TGFBR3: variants seen among roughly 807,000 people sequenced by gnomAD.
TGFBR3 encodes the protein transforming growth factor beta receptor 3.
TGFBR3 carries 46 observed loss-of-function variants against 87.9 expected under a neutral mutation model. The observed-to-expected ratio is 0.52, with a 90% CI of 0.41 to 0.67. TGFBR3 has a LOEUF of 0.67. Among genes scored for constraint, TGFBR3 ranks in the 30% least tolerant of loss-of-function variants. TGFBR3 has a pLI of 0.00. For synonymous variants in TGFBR3, 381 were observed against 391.6 expected, an observed-to-expected ratio of 0.97 and a Z score of 0.32; for missense variants, 866 against 1,041.9, an observed-to-expected ratio of 0.83 and a Z score of 2.32.
At chr1:91,737,579 A>G (rs1673008498) in intron 4 of TGFBR3, among the ~76,000 whole-genome samples, 1 of 152,156 alleles carries the variant, frequency 6.6e-6, no homozygotes, top group African/African-American at 2.4e-5. Flanking sequence ...CCAAGACAGC[A>G]GATTTCTGTT....
At chr1:91,823,466 C>G (rs530174853) in intron 2 of TGFBR3, among the ~76,000 whole-genome samples, 40 of 152,280 alleles carry the variant, frequency 2.6e-4, no homozygotes, top group African/African-American at 8.7e-4. Flanking sequence ...AGGAAACAAC[C>G]TAAACATCCA....
chr1:91,722,581 A>G (rs185491004), intron 7 of TGFBR3, among the ~76,000 whole-genome samples: 4 of 152,258 alleles, frequency 2.6e-5, no homozygotes, highest in Admixed American at 6.5e-5. Context: ...TCCACTTCCT[A>G]TTCCCCTAGA....
intron 2 of TGFBR3, among the ~76,000 whole-genome samples, chr1:91,811,322 T>TTAA (rs978960968): frequency 4.0e-5 from 6 of 151,710 alleles, no homozygotes; most frequent in East Asian, 1.9e-4. Context: ...AAAAAATAAA[T>TTAA]TAATAATAAT....
In TGFBR3 at chr1:91,849,849, G is replaced by A. The variant is rs1387452539; in HGVS notation, c.61+11622C>T. Among the ~76,000 whole-genome samples, 7 of 151,850 alleles carry A rather than the reference G, an allele frequency of 4.6e-5. No individual in the cohort carries two copies. The South Asian group carries it at 6.2e-4, about 14-fold the overall frequency. On this transcript the variant is annotated intron_variant, in intron 2 of 16. Transcript: ENST00000212355. Reference sequence around the variant, plus strand: ...TGTAATCCCAGCACTTTGGGAGGCCGAGGCGGGCCGATCACGAGGTCAGGA... The same window carrying A: ...TGTAATCCCAGCACTTTGGGAGGCCAAGGCGGGCCGATCACGAGGTCAGGA...
chr1:91,803,136 G>A (rs1201638185), intron 2 of TGFBR3, among the ~76,000 whole-genome samples: 1 of 152,066 alleles, frequency 6.6e-6, no homozygotes, highest in Non-Finnish European at 1.5e-5. Context: ...TGACTTACAA[G>A]GCCCTCCAAG....
intron 1 of TGFBR3, among the ~76,000 whole-genome samples, chr1:91,900,973 G>T (rs1286466800): frequency 6.6e-6 from 1 of 152,160 alleles, no homozygotes; most frequent in Non-Finnish European, 1.5e-5. Context: ...TGATCCTTCT[G>T]CCTCAGCCTC....
rs1375388524 is a variant in TGFBR3 at position 91,719,960 on chromosome 1, T to C, written c.1346A>G (p.Asp449Gly). 2.5e-6 allele frequency: 4 copies of C among 1,614,186 alleles called. No individual in the cohort carries two copies. The highest frequency in any genetic ancestry group is 1.7e-6 in the Non-Finnish European group (2 of 1,180,038). Residue 449 changes from aspartate to glycine, a missense_variant, in exon 9 of 17, where the codon GAT becomes GGT. Asp to Gly is a moderately conservative substitution (Grantham distance 94, BLOSUM62 -1). Coordinates refer to ENST00000212355, the MANE Select transcript of TGFBR3 (RefSeq NM_003243.5). ...GTCACATTTGACAGACAGGGCAATA[T>C]CCACGCTCCCTTGCACCTCTTCTGG... ...REPEEVQGSV[D>G]IALSVKCDNE...
intron 2 of TGFBR3, among the ~76,000 whole-genome samples, chr1:91,895,394 G>A (rs1024337208): frequency 6.6e-6 from 1 of 151,982 alleles, no homozygotes; most frequent in African/African-American, 2.4e-5. Context: ...AGGCCTCCCC[G>A]AGAAGTAGAT....
intron 3 of TGFBR3, chr1:91,786,324 A>C: frequency 4.4e-6 from 2 of 451,258 alleles, no homozygotes; most frequent in Non-Finnish European, 8.9e-6. Context: ...ATCAGGGTCT[A>C]AAGCTGAAGA....
chr1:91,695,900 CA>C lies in TGFBR3; in HGVS notation c.2330-122del, dbSNP rs1671422060. The C allele has an allele frequency of 1.1e-5, 9 of 839,054 alleles. No homozygotes were observed. The Admixed American group carries it at 1.6e-4, about 15-fold the overall frequency. 52.0% of individuals were successfully genotyped at this position (839,054 alleles called of 1,614,324 possible). On this transcript the variant is annotated intron_variant, in intron 15 of 16. Coordinates refer to ENST00000212355, the MANE Select transcript of TGFBR3 (RefSeq NM_003243.5). The stretch of plus-strand genomic sequence containing the variant: ...TGAGCACTAATAAAATCGGAGAATG[CA>C]ATGAAGATTCCAATAAAATACACTG...
At chr1:91,753,599 A>G (rs192381084) in intron 4 of TGFBR3, among the ~76,000 whole-genome samples, 83 of 152,188 alleles carry the variant, frequency 5.5e-4, no homozygotes, top group Admixed American at 2.4e-3. Flanking sequence ...ATTAGTAGTC[A>G]TTCCCCATTT....
chr1:91,708,004 G>A (rs1055273132), intron 14 of TGFBR3, among the ~76,000 whole-genome samples: 3 of 152,224 alleles, frequency 2.0e-5, no homozygotes, highest in African/African-American at 7.2e-5. Context: ...GTCTGGCTCT[G>A]CCCTGCCTGT....
At chr1:91,810,225 T>C (rs1675982271) in intron 2 of TGFBR3, among the ~76,000 whole-genome samples, 1 of 152,100 alleles carries the variant, frequency 6.6e-6, no homozygotes, top group South Asian at 2.1e-4. Context: ...CACCAGCTCA[T>C]GTCTTATATT....
intron 2 of TGFBR3, among the ~76,000 whole-genome samples, chr1:91,834,782 C>A (rs1004376763): frequency 2.0e-4 from 30 of 152,156 alleles, no homozygotes; most frequent in Admixed American, 5.2e-4. Flanking sequence ...GGGTTCAAGC[C>A]ATTCTCCTGC....
chr1:91,851,425 G>C (rs967555477), intron 2 of TGFBR3, among the ~76,000 whole-genome samples: 1 of 152,162 alleles, frequency 6.6e-6, no homozygotes, highest in African/African-American at 2.4e-5. Flanking sequence ...CCAATCATGC[G>C]CCTCGGTGCT....
chr1:91,873,135 C>T (rs1411426985), intron 1 of TGFBR3, among the ~76,000 whole-genome samples: 1 of 151,850 alleles, frequency 6.6e-6, no homozygotes, highest in Non-Finnish European at 1.5e-5. Context: ...ACCCAGCTGA[C>T]TTTTTAAGAT....
chr1:91,787,412 G>A (rs1675010536), intron 3 of TGFBR3, among the ~76,000 whole-genome samples: 1 of 152,154 alleles, frequency 6.6e-6, no homozygotes, highest in Non-Finnish European at 1.5e-5. Flanking sequence ...ATGGGGAGTG[G>A]CAGAGCTGAG....
chr1:91,730,491 C>A (rs1672727531), intron 5 of TGFBR3, among the ~76,000 whole-genome samples: 1 of 152,150 alleles, frequency 6.6e-6, no homozygotes, highest in Non-Finnish European at 1.5e-5. Flanking sequence ...TGGTTTCAAC[C>A]TGTACCTAGA....
At position 91,682,840 on chromosome 1, in the gene TGFBR3, T is replaced by C. The variant is rs890912642; in HGVS notation, c.*899A>G. The C allele has an allele frequency of 4.4e-6, 2 of 453,578 alleles. No homozygotes were observed. The highest frequency in any genetic ancestry group is 8.8e-6 in the Non-Finnish European group (2 of 226,386). The allele number at this position is 453,578 out of a possible 1,614,324, so 28.1% of individuals were successfully genotyped here. A position where few individuals can be genotyped will look rare whatever the true frequency, so the allele number is the denominator to read the frequency against. ...ATGTGCCAGGTGACATATTATATAC[T>C]TGTACTTGCATACACATAGAAATAT... On this transcript the variant is annotated 3_prime_UTR_variant, in exon 17 of 17. Transcript: ENST00000212355.
Sources: allele counts gnomAD v4.1 joint callset (sites outside exome capture counted in the v4.1 genomes callset), GRCh38; gene constraint gnomAD v4.1.1; transcripts MANE v1.5; gene names NCBI Gene and HGNC (gene_info 2026-07-23, HGNC 2026-07-21).